FAM227A: variants seen among roughly 807,000 people sequenced by gnomAD.
FAM227A encodes family with sequence similarity 227 member A, also known as protein FAM227A.
FAM227A carries 80 observed loss-of-function variants against 74.7 expected under a neutral mutation model. The ratio of observed to expected loss-of-function variants is 1.07; its 90% CI spans 0.89 to 1.29. The LOEUF (loss-of-function observed/expected upper bound fraction) is 1.29. FAM227A is among the 50% of genes most tolerant of loss of function. The pLI is 0.00. For missense variants in FAM227A, 654 were observed against 683.4 expected (o/e 0.96, Z 0.48); for synonymous variants, 237 against 241.8 (o/e 0.98, Z 0.19).
chr22:38,631,215 G>A (rs749688409), intron 6 of FAM227A, among the ~76,000 whole-genome samples: 1 of 152,114 alleles, frequency 6.6e-6, no homozygotes, highest in Non-Finnish European at 1.5e-5. Flanking sequence ...CATAAAAAAA[G>A]AATGATATCG....
intron 3 of FAM227A, among the ~76,000 whole-genome samples, chr22:38,642,431 C>A (rs2092136986): frequency 6.6e-6 from 1 of 152,134 alleles, no homozygotes; most frequent in South Asian, 2.1e-4. Context: ...CCCTAGAAGA[C>A]AAGAGGAGAA....
At chr22:38,591,606 T>A (rs546798899) in intron 15 of FAM227A, 66 bp from the exon 16 acceptor site, 3 of 1,150,656 alleles carry the variant, frequency 2.6e-6, no homozygotes, top group Non-Finnish European at 3.6e-6. Flanking sequence ...CAATGTTCTG[T>A]ATGTCCTATA....
rs1201707382 is a variant in FAM227A, at chr22:38,578,985, C to A, written c.*7140G>T. The A allele has an allele frequency of 6.6e-6, 1 of 152,176 alleles. No homozygotes were observed. Among genetic ancestry groups the A allele is most frequent in the Non-Finnish European group, 1.5e-5 (1 of 68,042 alleles). The allele number at this position is 152,176 out of a possible 1,614,324, so 9.4% of individuals were successfully genotyped here. ...CTCCTCACACAGACACCATGAGGCA[C>A]AACAATTATCACCCCTATTTACACG... On this transcript the variant is annotated 3_prime_UTR_variant, in exon 17 of 17. Transcript: ENST00000535113.
Position 38,583,685 on chromosome 22 carries a change from G to A in FAM227A, c.*2440C>T, listed in dbSNP as rs1195765004. On this transcript the variant is annotated 3_prime_UTR_variant, in exon 17 of 17. Coordinates refer to ENST00000535113, the MANE Select transcript of FAM227A (RefSeq NM_001013647.2). ...CTATGCTGAGTCACACATCCATATG[G>A]TGAAGCAGGGCAGGGATTCAAAGGC... is the stretch of plus-strand genomic sequence containing the variant. The A allele has an allele frequency of 6.6e-6, 1 of 152,262 alleles. No homozygotes were observed. The highest frequency in any genetic ancestry group is 2.4e-5 in the African/African-American group (1 of 41,438). 9.4% of individuals were successfully genotyped at this position (152,262 alleles called of 1,614,324 possible).
intron 10 of FAM227A, among the ~76,000 whole-genome samples, chr22:38,621,552 C>G (rs2091691886): frequency 6.6e-6 from 1 of 152,008 alleles, no homozygotes; most frequent in Non-Finnish European, 1.5e-5. Context: ...TTGCAGTGAG[C>G]TGAGATTGCG....
intron 11 of FAM227A, among the ~76,000 whole-genome samples, chr22:38,607,681 T>C (rs539966272): frequency 3.9e-5 from 6 of 152,216 alleles, no homozygotes; most frequent in Non-Finnish European, 5.9e-5. Context: ...GGAGAACACA[T>C]GGGCTGGGGA....
rs928321887 is a variant in FAM227A at position 38,597,193 on chromosome 22, C to T, written c.1532+11G>A. ...GCGGAACAACGGCATTCCCCAAAGC[C>T]CCTTCCATACCTGGAGAAGTTGTCT... is the stretch of plus-strand genomic sequence containing the variant. On this transcript the variant is annotated intron_variant, in intron 15 of 16. Transcript: ENST00000535113. 28 of 1,551,840 alleles carry T rather than the reference C, an allele frequency of 1.8e-5. No individual in the cohort carries two copies. The highest frequency in any genetic ancestry group is 2.4e-5 in the Non-Finnish European group (28 of 1,146,830).
At chr22:38,622,700 AC>A (rs1388879374) in intron 10 of FAM227A, among the ~76,000 whole-genome samples, 2 of 151,740 alleles carry the variant, frequency 1.3e-5, no homozygotes, top group Non-Finnish European at 2.9e-5. Context: ...ACATGGCAAA[AC>A]CCTGTCTCTA....
rs1341791420 is a variant in FAM227A, at chr22:38,597,346, G to C, written c.1390C>G (p.Pro464Ala). 1.3e-6 allele frequency: 2 copies of C among 1,551,762 alleles called. No homozygotes were observed. Among genetic ancestry groups the C allele is most frequent in the East Asian group, 2.4e-5 (1 of 40,918 alleles). Reference sequence around the variant, plus strand: ...TCGCTGATGACATCAGTATACGTTGGGGTGCAGTCAGTGGCTTCCGCTGTC... The same window carrying C: ...TCGCTGATGACATCAGTATACGTTGCGGTGCAGTCAGTGGCTTCCGCTGTC... ...EKTTSTPDCT[P>A]TYTDVISETL... The change falls in exon 15 of 17, where the codon CCA becomes GCA. Residue 464 changes from proline (P) to alanine (A), a missense_variant. Transcript: ENST00000535113.
intron 15 of FAM227A, among the ~76,000 whole-genome samples, chr22:38,596,733 G>A (rs1348650376): frequency 6.6e-6 from 1 of 151,758 alleles, no homozygotes; most frequent in African/African-American, 2.4e-5. Flanking sequence ...TCAACTTTCT[G>A]AAAGGTTTTT....
At chr22:38,645,365 T>C (rs1187608801) in intron 3 of FAM227A, among the ~76,000 whole-genome samples, 198 bp downstream of exon 3, 1 of 152,102 alleles carries the variant, frequency 6.6e-6, no homozygotes, top group African/African-American at 2.4e-5. Flanking sequence ...CACTCTAGCC[T>C]AGCAACAAAG....
chr22:38,591,393 G>T, intron 16 of FAM227A, 42 bp downstream of exon 16: 1 of 1,537,928 alleles, frequency 6.5e-7, no homozygotes, highest in African/African-American at 1.4e-5. Context: ...CATGGTTTTT[G>T]TTCGAACAAC....
intron 11 of FAM227A, among the ~76,000 whole-genome samples, chr22:38,610,953 G>C (rs926488372): frequency 3.9e-5 from 6 of 152,082 alleles, no homozygotes; most frequent in Non-Finnish European, 7.4e-5. Context: ...CCAGCTACTT[G>C]GGAGGCTGAA....
Position 38,579,703 on chromosome 22 carries a change from A to G in FAM227A, c.*6422T>C, listed in dbSNP as rs1203070270. On this transcript the variant is annotated 3_prime_UTR_variant, in exon 17 of 17. Transcript: ENST00000535113. ...CTCTCTCCCATATTATTTGAGTACA[A>G]ATTCCATAAATCTTGTAATTCCATC... is the stretch of plus-strand genomic sequence containing the variant. 1 of 152,134 alleles carries G rather than the reference A, an allele frequency of 6.6e-6. No individual in the cohort carries two copies. Among genetic ancestry groups the G allele is most frequent in the African/African-American group, 2.4e-5 (1 of 41,428 alleles). The allele number at this position is 152,134 out of a possible 1,614,324, so 9.4% of individuals were successfully genotyped here. A position where few individuals can be genotyped will look rare whatever the true frequency, so the allele number is the denominator to read the frequency against.
intron 16 of FAM227A, among the ~76,000 whole-genome samples, chr22:38,590,203 C>T (rs1461557786): frequency 1.3e-5 from 2 of 150,820 alleles, no homozygotes; most frequent in East Asian, 3.9e-4. Context: ...CTGCTTAGAC[C>T]CAGGAGGAGG....
At chr22:38,640,596 A>C (rs1376668882) in intron 3 of FAM227A, among the ~76,000 whole-genome samples, 2 of 152,208 alleles carry the variant, frequency 1.3e-5, no homozygotes, top group Non-Finnish European at 2.9e-5. Flanking sequence ...TGGATAACAA[A>C]GTTAACAAAC....
intron 5 of FAM227A, among the ~76,000 whole-genome samples, chr22:38,637,805 GAAC>G (rs1761342598): frequency 6.6e-6 from 1 of 152,238 alleles, no homozygotes; most frequent in South Asian, 2.1e-4. Context: ...AGAAGGATAA[GAAC>G]AACATACTGT....
intron 15 of FAM227A, among the ~76,000 whole-genome samples, chr22:38,596,691 T>C (rs1311113610): frequency 6.6e-6 from 1 of 152,194 alleles, no homozygotes; most frequent in African/African-American, 2.4e-5. Flanking sequence ...GACAGTTCAG[T>C]GTACTATCCT....
In FAM227A at chr22:38,639,562, T is replaced by C. The variant is rs1038998168; in HGVS notation, c.295+93A>G. ...TCAGAAGAAGACAGAAACATCCTCA[T>C]CTGAAACTTGGGATTCCTACTCAGT... On this transcript the variant is annotated intron_variant, in intron 4 of 16. Coordinates refer to ENST00000535113, the MANE Select transcript of FAM227A (RefSeq NM_001013647.2). 3 of 1,184,164 alleles carry C rather than the reference T, an allele frequency of 2.5e-6. No homozygotes were observed. In the African/African-American group the frequency reaches 4.6e-5, roughly 18 times the overall value. 73.4% of individuals were successfully genotyped at this position (1,184,164 alleles called of 1,614,324 possible).
Sources: allele counts gnomAD v4.1 joint callset (sites outside exome capture counted in the v4.1 genomes callset), GRCh38; gene constraint gnomAD v4.1.1; transcripts MANE v1.5; gene names NCBI Gene and HGNC (gene_info 2026-07-23, HGNC 2026-07-21).